The following UNC45B variants were observed in gnomAD, a reference collection of about 807,000 sequenced individuals.
UNC45B encodes the protein unc-45 myosin chaperone B, also known as protein unc-45 homolog B.
A neutral mutation model predicts 98.7 loss-of-function variants in UNC45B; 78 were observed. That is an observed-to-expected ratio of 0.79 (90% CI 0.66 to 0.95). UNC45B has a LOEUF of 0.95. Ranked by LOEUF, UNC45B falls within the 40% of genes least tolerant of loss-of-function variation. The pLI is 0.00. For synonymous variants in UNC45B, 462 were observed against 480.4 expected (o/e 0.96, Z 0.50); for missense variants, 1,225 against 1,184.9 (o/e 1.03, Z -0.50).
chr17:35,176,111 C>A (rs983258551), intron 15 of UNC45B, 77 bp downstream of exon 15: 1 of 1,446,846 alleles, frequency 6.9e-7, no homozygotes, highest in Non-Finnish European at 9.7e-7. Context: ...GTACCCTCTG[C>A]CCCAACTCGA....
intron 13 of UNC45B, among the ~76,000 whole-genome samples, chr17:35,173,723 T>A (rs2092205755): frequency 6.6e-6 from 1 of 151,860 alleles, no homozygotes; most frequent in African/African-American, 2.4e-5. Flanking sequence ...GCTTACCCCC[T>A]CATCTCAAAA....
chr17:35,151,827 G>A (rs570596931), intron 4 of UNC45B, among the ~76,000 whole-genome samples: 11 of 152,294 alleles, frequency 7.2e-5, no homozygotes, highest in Admixed American at 5.2e-4. Flanking sequence ...GGCTGGGTGT[G>A]GTGGCTCACG....
chr17:35,170,667 C>T (rs2092178778), intron 12 of UNC45B, among the ~76,000 whole-genome samples: 2 of 151,694 alleles, frequency 1.3e-5, no homozygotes, highest in African/African-American at 4.8e-5. Context: ...GAAACCCCAA[C>T]TCTACAAAAA....
intron 3 of UNC45B, 99 bp downstream of exon 3, chr17:35,149,108 TG>T: frequency 7.2e-7 from 1 of 1,381,500 alleles, no homozygotes; most frequent in South Asian, 1.2e-5. Context: ...ACAGTGAGTA[TG>T]GAGTGACTTC....
intron 12 of UNC45B, among the ~76,000 whole-genome samples, chr17:35,171,050 G>C (rs1403740997): frequency 6.6e-6 from 1 of 152,124 alleles, no homozygotes; most frequent in East Asian, 1.9e-4. Context: ...TGTTAGACTG[G>C]GCTTGTGGAA....
intron 8 of UNC45B, among the ~76,000 whole-genome samples, chr17:35,161,321 A>T (rs1201568527): frequency 1.3e-5 from 2 of 152,230 alleles, no homozygotes; most frequent in Non-Finnish European, 2.9e-5. Context: ...TGTTGTGCAA[A>T]CTGGGCTGGG....
At chr17:35,159,625 G>A (rs2092088844) in intron 8 of UNC45B, 80 bp downstream of exon 8, 3 of 1,505,586 alleles carry the variant, frequency 2.0e-6, no homozygotes, top group Admixed American at 1.9e-5. Context: ...TGGAAGATGT[G>A]AGGCTCTTGA....
chr17:35,148,578 C>T, intron 2 of UNC45B, 147 bp downstream of exon 2: 1 of 909,992 alleles, frequency 1.1e-6, no homozygotes, highest in Non-Finnish European at 1.6e-6. Context: ...CTCCAACCCC[C>T]TGACCCATGC....
chr17:35,167,798 C>G (rs757845978), intron 9 of UNC45B, among the ~76,000 whole-genome samples: 1 of 151,994 alleles, frequency 6.6e-6, no homozygotes, highest in Non-Finnish European at 1.5e-5. Flanking sequence ...CATGTCAATC[C>G]CTGAGTCAGA....
At chr17:35,151,277 G>C (rs1041086082) in intron 4 of UNC45B, 1 of 211,650 alleles carries the variant, frequency 4.7e-6, no homozygotes, top group African/African-American at 2.4e-5. Context: ...AGAAGGACTT[G>C]GGCCCCACAC....
rs117365837 is a variant in UNC45B, at chr17:35,170,519, C to T, written c.1689+264C>T. Among the ~76,000 whole-genome samples the T allele has an allele frequency of 2.3e-3, 318 of 138,472 alleles. 8 individuals carry two copies. In the East Asian group the frequency reaches 0.039, roughly 17 times the overall value. 90.8% of individuals were successfully genotyped at this position (138,472 alleles called of 152,430 possible). The stretch of plus-strand genomic sequence containing the variant: ...CTCAGGAGGTGAGGTCTTGAAGGAC[C>T]TGAGGCAGCTAAAAAAAAAAAAAAA... On this transcript the variant is annotated intron_variant, in intron 12 of 19. Transcript: ENST00000394570.
In UNC45B at chr17:35,163,690, G is replaced by A. The variant is rs76492376; in HGVS notation, c.980-305G>A. On this transcript the variant is annotated intron_variant, in intron 8 of 19. Transcript: ENST00000394570. ...AAGGGAATATGAAATAGTATTTGGA[G>A]AAGACTATACATCAGCCCATGGAAT... Among the ~76,000 whole-genome samples, 1,276 of 152,278 alleles carry A rather than the reference G, an allele frequency of 8.4e-3. 9 individuals are homozygous for A. The highest frequency in any genetic ancestry group is 0.012 in the Non-Finnish European group (807 of 68,020).
chr17:35,169,468 A>G (rs1169754401), intron 10 of UNC45B, among the ~76,000 whole-genome samples: 1 of 152,212 alleles, frequency 6.6e-6, no homozygotes, highest in Non-Finnish European at 1.5e-5. Context: ...TATCCAGAAG[A>G]TAGGATTTCT....
chr17:35,154,516 G>C, intron 5 of UNC45B, 58 bp from the exon 6 acceptor site: 2 of 1,567,668 alleles, frequency 1.3e-6, no homozygotes, highest in Non-Finnish European at 1.7e-6. Context: ...TTGGCCCATG[G>C]TCCAGGCCTG....
intron 17 of UNC45B, among the ~76,000 whole-genome samples, chr17:35,179,693 T>C (rs1208314237): frequency 6.6e-6 from 1 of 151,224 alleles, no homozygotes; most frequent in Admixed American, 6.6e-5. Context: ...TAGGTGGGAG[T>C]TGAACAATGA....
intron 14 of UNC45B, 26 bp downstream of exon 14, chr17:35,174,395 G>T: frequency 6.2e-7 from 1 of 1,613,810 alleles, no homozygotes; most frequent in South Asian, 1.1e-5. Flanking sequence ...GCCAAGGCTT[G>T]GAACTAGGGC....
At chr17:35,165,400 A>G (rs928794910) in intron 9 of UNC45B, among the ~76,000 whole-genome samples, 2 of 152,176 alleles carry the variant, frequency 1.3e-5, no homozygotes, top group Admixed American at 1.3e-4. Context: ...CCAGACTTGT[A>G]AATTATTCAG....
Position 35,164,140 on chromosome 17 carries a change from C to T in UNC45B, c.1125C>T (p.Phe375=). The T allele has an allele frequency of 6.2e-7, 1 of 1,613,034 alleles. No homozygotes were observed. ...GCTGTGACCCGGAGCGCGATCACTT[C>T]CGCAAGATCTGTGAGGAATATATCA... The part of the protein sequence containing the change: ...DLRCDPERDH[F]RKICEEYITG... The change falls in exon 9 of 20, where the codon TTC becomes TTT. Residue 375 remains phenylalanine, a synonymous_variant. Coordinates refer to ENST00000394570, the MANE Select transcript of UNC45B (RefSeq NM_001267052.2).
rs2142618492 is a variant in UNC45B at position 35,186,532 on chromosome 17, T to C, written c.2763T>C (p.Asp921=). ...GAGAATGTCTCATCAAGTGCATGGA[T>C]TATGGTTTCATTAAACCAGTGTCTT... ...TARECLIKCM[D]YGFIKPVS Residue 921 remains aspartate, a synonymous_variant, in exon 20 of 20, where the codon GAT becomes GAC. Coordinates refer to ENST00000394570, the MANE Select transcript of UNC45B (RefSeq NM_001267052.2). 6.2e-7 allele frequency: 1 copy of C among 1,614,186 alleles called. No homozygotes were observed.
Sources: allele counts gnomAD v4.1 joint callset (sites outside exome capture counted in the v4.1 genomes callset), GRCh38; gene constraint gnomAD v4.1.1; transcripts MANE v1.5; gene names NCBI Gene and HGNC (gene_info 2026-07-23, HGNC 2026-07-21).